CHLSN: variants seen among roughly 807,000 people sequenced by gnomAD.
The protein encoded by CHLSN is cholesin.
chr7:1,072,937 G>A, the CHLSN span, among the ~76,000 whole-genome samples: 1 of 152,250 alleles, frequency 6.6e-6, no homozygotes, highest in Non-Finnish European at 1.5e-5. Context: ...ACCGCGCCTG[G>A]CCTGGAGTCA....
At chr7:1,116,072 C>T in the CHLSN span, among the ~76,000 whole-genome samples, 1 of 127,822 alleles carries the variant, frequency 7.8e-6, no homozygotes, top group South Asian at 2.7e-4. Flanking sequence ...GACGCCCACG[C>T]AGGATGATGA....
chr7:1,102,728 G>A, the CHLSN span, among the ~76,000 whole-genome samples: 2 of 152,236 alleles, frequency 1.3e-5, no homozygotes, highest in Non-Finnish European at 2.9e-5. Flanking sequence ...AGGGTGGGCC[G>A]CCCGCAGGCA....
chr7:1,092,034 G>A, the CHLSN span: 192 of 1,613,878 alleles, frequency 1.2e-4, no homozygotes, highest in Non-Finnish European at 1.5e-4. Flanking sequence ...TCAACCTGGC[G>A]GTGGCGGACC....
At chr7:1,103,708 C>T in the CHLSN span, among the ~76,000 whole-genome samples, 9 of 152,238 alleles carry the variant, frequency 5.9e-5, no homozygotes, top group African/African-American at 2.2e-4. Flanking sequence ...GCGACGTCCC[C>T]ACCCTGCACA....
chr7:1,009,010 CACACAT>C, the CHLSN span, among the ~76,000 whole-genome samples: 5 of 145,636 alleles, frequency 3.4e-5, no homozygotes, highest in South Asian at 2.2e-4. Flanking sequence ...CGCACACACA[CACACAT>C]ACACATGCAC....
At chr7:1,008,886 A>G in the CHLSN span, among the ~76,000 whole-genome samples, 107 of 100,384 alleles carry the variant, frequency 1.1e-3, no homozygotes, top group African/African-American at 5.5e-3. Context: ...CAACACTCGT[A>G]TACACATGCA....
the CHLSN span, among the ~76,000 whole-genome samples, chr7:1,052,557 G>T: frequency 6.6e-6 from 1 of 152,178 alleles, no homozygotes; most frequent in Non-Finnish European, 1.5e-5. The surrounding 1 kb of genome is among the most constrained non-coding windows in gnomAD (Gnocchi z 4.2). Context: ...AGGAGCAGCT[G>T]CCAGGGACGG....
At chr7:1,097,054 G>A in the CHLSN span, among the ~76,000 whole-genome samples, 1 of 152,228 alleles carries the variant, frequency 6.6e-6, no homozygotes, top group East Asian at 1.9e-4. This position sits in a 1 kb window ranked among gnomAD's most constrained non-coding sequence, Gnocchi z 4.3. Context: ...GCAGGCGAGG[G>A]GAGCCCATGG....
chr7:1,008,842 C>CGCACACACGT, the CHLSN span, among the ~76,000 whole-genome samples: 75 of 95,504 alleles, frequency 7.9e-4, no homozygotes, highest in African/African-American at 3.3e-3. Context: ...TGTATACACA[C>CGCACACACGT]GCACACACGT....
the CHLSN span, among the ~76,000 whole-genome samples, chr7:1,115,466 A>C: frequency 6.6e-6 from 1 of 152,012 alleles, no homozygotes; most frequent in Non-Finnish European, 1.5e-5. Context: ...CCTCCTCATC[A>C]CCAACGCCCA....
At chr7:1,091,397 G>C in the CHLSN span, 6,974 of 265,216 alleles carry the variant, frequency 0.026, 465 homozygotes, top group African/African-American at 0.14. Flanking sequence ...CTCTCCTGTT[G>C]CTTCTCCAGG....
At chr7:1,121,627 A>C in the CHLSN span, among the ~76,000 whole-genome samples, 1 of 152,178 alleles carries the variant, frequency 6.6e-6, no homozygotes, top group Non-Finnish European at 1.5e-5. Flanking sequence ...GCTGACCACC[A>C]CCTGTGCCCC....
chr7:1,033,917 T>A, the CHLSN span, among the ~76,000 whole-genome samples: 2 of 152,138 alleles, frequency 1.3e-5, no homozygotes, highest in Non-Finnish European at 2.9e-5. Context: ...GGCAAGGGTG[T>A]CCACCCTCCC....
the CHLSN span, among the ~76,000 whole-genome samples, chr7:1,011,494 C>T: frequency 2.7e-5 from 4 of 148,426 alleles, no homozygotes; most frequent in East Asian, 3.9e-4. Context: ...CACCTTCACA[C>T]GCCCAGACAC....
the CHLSN span, chr7:1,025,148 G>A: frequency 6.6e-6 from 1 of 152,530 alleles, no homozygotes; most frequent in South Asian, 2.1e-4. Context: ...CCGCTGCTCA[G>A]GAGGCAGCTC....
the CHLSN span, among the ~76,000 whole-genome samples, chr7:1,006,566 G>A: frequency 1.9e-4 from 25 of 131,576 alleles, no homozygotes; most frequent in African/African-American, 4.1e-4. Context: ...GGGAAAGAGC[G>A]CACGACGGCC....
At chr7:1,007,412 C>T in the CHLSN span, among the ~76,000 whole-genome samples, 1 of 152,238 alleles carries the variant, frequency 6.6e-6, no homozygotes, top group African/African-American at 2.4e-5. Context: ...CAGTGGTCCC[C>T]AGCAGCCCCC....
At chr7:1,070,870 G>A in the CHLSN span, among the ~76,000 whole-genome samples, 42 of 136,262 alleles carry the variant, frequency 3.1e-4, no homozygotes, top group African/African-American at 9.2e-4. Context: ...ACACGGGTGC[G>A]CACACGTGCA....
the CHLSN span, among the ~76,000 whole-genome samples, chr7:1,054,214 A>C: frequency 6.6e-6 from 1 of 152,362 alleles, no homozygotes; most frequent in South Asian, 2.1e-4. Context: ...TGTTGGGGCC[A>C]ACACGCAAAG....
Sources: gnomAD v4.1 joint callset for allele counts (sites outside exome capture counted in the v4.1 genomes callset) on GRCh38, gnomAD v4.1.1 for gene constraint, Gnocchi (gnomAD v3.1) non-coding constraint, MANE v1.5 for transcripts, NCBI Gene and HGNC (gene_info 2026-07-23, HGNC 2026-07-21) for gene names.